Variants in CCZ1 observed in about 807,000 individuals in gnomAD.
CCZ1 encodes the protein CCZ1 vacuolar protein trafficking and biogenesis associated, also known as vacuolar fusion protein CCZ1 homolog.
CCZ1 carries 19 observed loss-of-function variants against 57.8 expected under a neutral mutation model. That is an observed-to-expected ratio of 0.33 (90% CI 0.23 to 0.48). The LOEUF is 0.48. CCZ1 is among the 20% of genes least tolerant of loss of function. The pLI is 0.99. For missense variants in CCZ1, 200 were observed against 492.0 expected, an observed-to-expected ratio of 0.41 and a Z score of 5.61; for synonymous variants, 81 against 167.0, an observed-to-expected ratio of 0.49 and a Z score of 3.97.
intron 14 of CCZ1, among the ~76,000 whole-genome samples, chr7:5,924,543 C>CT (rs5882076): frequency 0.17 from 20,671 of 123,746 alleles, 2,995 homozygotes; most frequent in African/African-American, 0.37. Flanking sequence ...CCAAAATGTC[C>CT]TTTTTTAATA....
At position 5,910,122 on chromosome 7, in the gene CCZ1, A is replaced by T; in HGVS notation, c.780+6A>T. 1 of 1,585,214 alleles carries T rather than the reference A, an allele frequency of 6.3e-7. No individual in the cohort carries two copies. The highest frequency in any genetic ancestry group is 8.6e-7 in the Non-Finnish European group (1 of 1,158,208). Reference sequence around the variant, plus strand: ...CAAGGCACATCGAACCTGAGGTATGATGGGTACCATAGCTGCGCACAATTA... The same window carrying T: ...CAAGGCACATCGAACCTGAGGTATGTTGGGTACCATAGCTGCGCACAATTA... On this transcript the variant is annotated splice_donor_region_variant and intron_variant, in intron 8 of 14. Coordinates refer to ENST00000325974, the MANE Select transcript of CCZ1 (RefSeq NM_015622.6).
At chr7:5,905,597 C>T (rs1161201707) in intron 7 of CCZ1, among the ~76,000 whole-genome samples, 2 of 144,728 alleles carry the variant, frequency 1.4e-5, no homozygotes, top group Non-Finnish European at 3.0e-5. Context: ...GCCTGGTCAA[C>T]ATAGTGAAAC....
rs200586661 is a variant in CCZ1 at position 5,906,538 on chromosome 7, G to GT, written c.698+1270dup. 1.2e-3 allele frequency among the ~76,000 whole-genome samples: 172 copies of GT among 148,370 alleles called. 37 individuals are homozygous for GT. The East Asian group carries it at 0.038, about 32-fold the overall frequency. On this transcript the variant is annotated intron_variant, in intron 7 of 14. Coordinates refer to ENST00000325974, the MANE Select transcript of CCZ1 (RefSeq NM_015622.6). ...AGGTTTTACCATGTTGGCCAGGCTG[G>GT]TCCTAAACCCCTGACCTCAGGTGAT...
chr7:5,922,799 C>T (rs1302109250), intron 12 of CCZ1, among the ~76,000 whole-genome samples: 3 of 146,500 alleles, frequency 2.0e-5, no homozygotes, highest in Non-Finnish European at 4.5e-5. Flanking sequence ...GGTTAATTTC[C>T]ACGGGACACT....
rs1319275432 is a variant in CCZ1, at chr7:5,898,859, C to G, written c.60C>G (p.Phe20Leu). Reference protein sequence around the residue: ...SGPWAAQEKQFPPALLSFFIY... With the variant: ...SGPWAAQEKQLPPALLSFFIY... The stretch of plus-strand genomic sequence containing the variant: ...CCTGGGCGGCCCAGGAGAAGCAGTT[C>G]CCGCCGGCGCTGCTGAGTTTCTTCA... The change falls in exon 1 of 15, where the codon TTC becomes TTG. Residue 20 changes from phenylalanine (F) to leucine (L), a missense_variant. By Grantham distance (22) the Phe-to-Leu change is conservative (BLOSUM62 0). Transcript: ENST00000325974. 4.2e-6 allele frequency: 2 copies of G among 475,904 alleles called. No homozygotes were observed. The highest frequency in any genetic ancestry group is 6.7e-5 in the South Asian group (2 of 29,666). 29.5% of individuals were successfully genotyped at this position (475,904 alleles called of 1,614,324 possible). A position where few individuals can be genotyped will look rare whatever the true frequency, so the allele number is the denominator to read the frequency against.
At chr7:5,906,383 C>T (rs185987888) in intron 7 of CCZ1, among the ~76,000 whole-genome samples, 2,355 of 139,292 alleles carry the variant, frequency 0.017, 88 homozygotes, top group African/African-American at 0.06. Context: ...AGTACAGTGG[C>T]GCGATCTTGG....
chr7:5,910,614 C>T lies in CCZ1; in HGVS notation c.780+498C>T, dbSNP rs1331511661. Among the ~76,000 whole-genome samples the T allele has an allele frequency of 8.3e-5, 12 of 144,468 alleles. 1 individual carries two copies. The highest frequency in any genetic ancestry group is 1.1e-4 in the Non-Finnish European group (7 of 65,494). The allele number at this position is 144,468 out of a possible 152,430, so 94.8% of individuals were successfully genotyped here. ...GTGCTGGGATTACAGGCGTGAGCCA[C>T]CGCCCCCAGTCCACAAGCATGTTTT... On this transcript the variant is annotated intron_variant, in intron 8 of 14. Transcript: ENST00000325974.
rs759437809 is a variant in CCZ1 at position 5,910,075 on chromosome 7, T to A, written c.739T>A (p.Tyr247Asn). 2.5e-6 allele frequency: 4 copies of A among 1,587,478 alleles called. No homozygotes were observed. Among genetic ancestry groups the A allele is most frequent in the Non-Finnish European group, 3.4e-6 (4 of 1,160,734 alleles). ...AGATGACATGAGAATTTTATACAAATACCTTACCACCTCCCTTTTTCCAAG... is the reference window on the plus strand; with the variant it reads ...AGATGACATGAGAATTTTATACAAAAACCTTACCACCTCCCTTTTTCCAAG... ...EQDDMRILYK[Y>N]LTTSLFPRHI... is the part of the protein sequence containing the mutation. Residue 247 changes from tyrosine (Y) to asparagine (N), a missense_variant, in exon 8 of 15, where the codon TAC (tyrosine) becomes AAC (asparagine). By Grantham distance (143) the Tyr-to-Asn change is moderately radical (BLOSUM62 -2). This residue lies in a region of CCZ1 where 128 missense variants were observed against 178.4 expected (regional missense o/e 0.72). Transcript: ENST00000325974.
intron 1 of CCZ1, 47 bp downstream of exon 1, chr7:5,898,966 GGGAAGGT>G (rs1781612206): frequency 2.7e-6 from 1 of 367,714 alleles, no homozygotes; most frequent in Admixed American, 6.6e-5. Flanking sequence ...GGTGTTCCCC[GGGAAGGT>G]GGCCCTGTGG....
At position 5,910,878 on chromosome 7, in the gene CCZ1, G is replaced by T. The variant is rs1355442789; in HGVS notation, c.780+762G>T. Reference sequence around the variant, plus strand: ...AGGCTCCCGAGTAGCTGAGATTATAGGCACCTGCCACCATGCCCGGCTAAT... The same window carrying T: ...AGGCTCCCGAGTAGCTGAGATTATATGCACCTGCCACCATGCCCGGCTAAT... On this transcript the variant is annotated intron_variant, in intron 8 of 14. Transcript: ENST00000325974. Among the ~76,000 whole-genome samples the T allele has an allele frequency of 5.4e-5, 8 of 147,186 alleles. 1 individual carries two copies. The highest frequency in any genetic ancestry group is 5.9e-5 in the Non-Finnish European group (4 of 67,514).
chr7:5,912,806 C>T (rs1779068712), intron 9 of CCZ1, 37 bp from the exon 10 acceptor site: 1 of 915,452 alleles, frequency 1.1e-6, no homozygotes, highest in East Asian at 2.4e-5. Flanking sequence ...TCTCCTTCAC[C>T]TCGTTGAATC....
chr7:5,901,136 T>A, intron 4 of CCZ1: 1 of 361,120 alleles, frequency 2.8e-6, no homozygotes, highest in Non-Finnish European at 4.6e-6. Context: ...CTTCTACTCT[T>A]CATTTATATT....
chr7:5,911,193 C>T (rs1350381501), intron 8 of CCZ1, among the ~76,000 whole-genome samples: 1 of 149,158 alleles, frequency 6.7e-6, no homozygotes, highest in East Asian at 2.2e-4. Context: ...ACTTAATTTC[C>T]CGGTTTCCTG....
chr7:5,904,934 C>G (rs1186387753), intron 6 of CCZ1, among the ~76,000 whole-genome samples, 160 bp from the exon 7 acceptor site: 1 of 148,482 alleles, frequency 6.7e-6, no homozygotes, highest in Non-Finnish European at 1.5e-5. Flanking sequence ...AGTTGGCACT[C>G]AGTTACCCAT....
chr7:5,902,894 A>G, intron 6 of CCZ1, 150 bp downstream of exon 6: 2 of 1,048,334 alleles, frequency 1.9e-6, no homozygotes, highest in Non-Finnish European at 2.6e-6. Flanking sequence ...AAACTGGAGC[A>G]GCGAGGAAAC....
rs772734390 is a variant in CCZ1, at chr7:5,910,041, A to T, written c.705A>T (p.Gly235=). 2 of 1,601,668 alleles carry T rather than the reference A, an allele frequency of 1.2e-6. No individual in the cohort carries two copies. Among genetic ancestry groups the T allele is most frequent in the East Asian group, 4.5e-5 (2 of 44,300 alleles). Residue 235 remains glycine, a synonymous_variant, in exon 8 of 15, where the codon GGA becomes GGT. Coordinates refer to ENST00000325974, the MANE Select transcript of CCZ1 (RefSeq NM_015622.6). ...TGCTTTTCTGTTGTTGCAGGAGTGG[A>T]TTAGAACAAGATGACATGAGAATTT... ...FLYNDQLIWS[G]LEQDDMRILY...
intron 4 of CCZ1, chr7:5,901,201 C>G (rs1200710792): frequency 6.8e-6 from 2 of 295,170 alleles, no homozygotes; most frequent in East Asian, 9.5e-5. Context: ...TTAAACACTT[C>G]TGGCTGGGAA....
At chr7:5,911,742 G>C in intron 8 of CCZ1, 119 bp from the exon 9 acceptor site, 16 of 1,176,198 alleles carry the variant, frequency 1.4e-5, no homozygotes, top group Non-Finnish European at 1.9e-5. Flanking sequence ...ACAAGATCCT[G>C]TCTCTAAAAG....
intron 9 of CCZ1, among the ~76,000 whole-genome samples, chr7:5,912,525 G>T (rs1323679210): frequency 1.4e-5 from 2 of 145,284 alleles, no homozygotes; most frequent in East Asian, 2.4e-4. Context: ...TCAGCCTCTT[G>T]AGTAGCTGGG....
Sources: allele counts gnomAD v4.1 joint callset (sites outside exome capture counted in the v4.1 genomes callset), GRCh38; gene constraint gnomAD v4.1.1; regional missense constraint gnomAD v4.1.1; transcripts MANE v1.5; gene names NCBI Gene and HGNC (gene_info 2026-07-23, HGNC 2026-07-21).